CACNA1E: variants seen among roughly 807,000 people sequenced by gnomAD.
CACNA1E encodes the protein voltage-dependent R-type calcium channel subunit alpha-1E.
CACNA1E carries 40 observed loss-of-function variants against 259.2 expected under a neutral mutation model. The ratio of observed to expected loss-of-function variants is 0.15; its 90% CI spans 0.12 to 0.20. The LOEUF (loss-of-function observed/expected upper bound fraction) is 0.20, where lower values mean the gene tolerates loss of function less well. CACNA1E is among the 10% of genes least tolerant of loss of function. The pLI is 1.00. For synonymous variants in CACNA1E, 1,104 were observed against 1,138.5 expected (o/e 0.97, Z 0.61); for missense variants, 1,874 against 3,040.1 (o/e 0.62, Z 9.02).
intron 2 of CACNA1E, among the ~76,000 whole-genome samples, chr1:181,425,873 G>GC (rs1222177901): frequency 6.6e-6 from 1 of 152,002 alleles, no homozygotes; most frequent in Non-Finnish European, 1.5e-5. Flanking sequence ...CTCTGTCCCT[G>GC]CCCCCGCCTC....
At chr1:181,339,591 G>A (rs1239080301) in intron 1 of CACNA1E, among the ~76,000 whole-genome samples, 1 of 151,910 alleles carries the variant, frequency 6.6e-6, no homozygotes, top group Non-Finnish European at 1.5e-5. Context: ...CAAGGAAATT[G>A]TAGAGTTTAT....
At chr1:181,722,020 C>A in intron 16 of CACNA1E, 145 bp downstream of exon 16, 1 of 618,446 alleles carries the variant, frequency 1.6e-6, no homozygotes, top group South Asian at 2.0e-5. Context: ...AATAAGGATC[C>A]TGATCTGAAG....
chr1:181,616,917 G>A (rs1655271346), intron 6 of CACNA1E, among the ~76,000 whole-genome samples: 1 of 152,124 alleles, frequency 6.6e-6, no homozygotes, highest in South Asian at 2.1e-4. Flanking sequence ...ATTTTTTGAA[G>A]TAATTTATCC....
chr1:181,375,501 A>G (rs749213569), intron 1 of CACNA1E, among the ~76,000 whole-genome samples: 4 of 152,218 alleles, frequency 2.6e-5, no homozygotes, highest in Non-Finnish European at 4.4e-5. Flanking sequence ...GACAACCATG[A>G]TAACAAAAGC....
At chr1:181,387,019 A>G (rs1261390491) in intron 1 of CACNA1E, among the ~76,000 whole-genome samples, 2 of 152,194 alleles carry the variant, frequency 1.3e-5, no homozygotes, top group African/African-American at 4.8e-5. Flanking sequence ...GCTGATGGGT[A>G]GAAAGTGCAA....
chr1:181,661,400 G>T (rs906393140), intron 7 of CACNA1E, among the ~76,000 whole-genome samples: 18 of 152,144 alleles, frequency 1.2e-4, no homozygotes, highest in African/African-American at 4.3e-4. Context: ...GGTGTTGGGG[G>T]CCAGGTGTCG....
intron 3 of CACNA1E, among the ~76,000 whole-genome samples, chr1:181,542,550 C>G (rs532714282): frequency 1.6e-4 from 24 of 152,150 alleles, no homozygotes; most frequent in Non-Finnish European, 3.2e-4. Context: ...AGTGAGTTCT[C>G]ACGAGATCTG....
chr1:181,412,910 C>T (rs548162645), intron 1 of CACNA1E, among the ~76,000 whole-genome samples: 57 of 152,356 alleles, frequency 3.7e-4, no homozygotes, highest in Admixed American at 1.0e-3. Flanking sequence ...CAGCCTGGTC[C>T]GCCGCGGATG....
intron 6 of CACNA1E, among the ~76,000 whole-genome samples, chr1:181,631,626 G>A (rs1019255899): frequency 6.6e-5 from 10 of 152,114 alleles, no homozygotes; most frequent in Non-Finnish European, 4.4e-5. Flanking sequence ...GGTGAGATAG[G>A]CCTCCTGCCT....
At chr1:181,764,601 C>T (rs3767010) in intron 34 of CACNA1E, among the ~76,000 whole-genome samples, 2 of 152,092 alleles carry the variant, frequency 1.3e-5, no homozygotes, top group Admixed American at 1.3e-4. Flanking sequence ...TAGGAGCGAC[C>T]TTGACACTTT....
intron 47 of CACNA1E, among the ~76,000 whole-genome samples, chr1:181,797,822 C>T (rs1484659541): frequency 6.6e-6 from 1 of 152,312 alleles, no homozygotes; most frequent in Admixed American, 6.5e-5. Context: ...AAGACATGGG[C>T]AGGAATAAGG....
rs191496628 is a variant in CACNA1E, at chr1:181,355,735, G to A, written c.-15+37612G>A. Among the ~76,000 whole-genome samples, 87 of 152,320 alleles carry A rather than the reference G, an allele frequency of 5.7e-4. 1 individual carries two copies. The highest frequency in any genetic ancestry group is 3.1e-3 in the Admixed American group (48 of 15,298). On this transcript the variant is annotated intron_variant, in intron 1 of 11. Coordinates refer to the CACNA1E transcript ENST00000524607. ...ATGCAAAGGCCCCCTTTAAAAGAGA[G>A]CTTTGCACTGCAATGCTTGTTTACA...
chr1:181,571,517 A>T (rs988581338), intron 3 of CACNA1E, among the ~76,000 whole-genome samples: 1 of 152,248 alleles, frequency 6.6e-6, no homozygotes, highest in Non-Finnish European at 1.5e-5. Flanking sequence ...GGAACCAACC[A>T]CGTATGGAAT....
rs573216287 is a variant in CACNA1E, at chr1:181,511,587, C to T, written c.512+77C>T. 6.7e-5 allele frequency: 102 copies of T among 1,531,242 alleles called. 1 individual carries two copies. The South Asian group carries it at 1.1e-3, about 17-fold the overall frequency. 94.9% of individuals were successfully genotyped at this position (1,531,242 alleles called of 1,614,324 possible). ...TCATGAGGTGGCTGGGGGCAGGGAA[C>T]CTGGGGTGGAAAGACAGCAATCTGT... is the stretch of plus-strand genomic sequence containing the variant. On this transcript the variant is annotated intron_variant, in intron 3 of 47. Coordinates refer to ENST00000367573, the MANE Select transcript of CACNA1E (RefSeq NM_001205293.3).
intron 32 of CACNA1E, among the ~76,000 whole-genome samples, chr1:181,761,982 G>A (rs935148245): frequency 1.3e-5 from 2 of 152,202 alleles, no homozygotes; most frequent in Non-Finnish European, 2.9e-5. Flanking sequence ...TTACCAATCA[G>A]TAGTTGGTTT....
rs181051893 is a variant in CACNA1E at position 181,319,721 on chromosome 1, A to G, written c.-15+1598A>G. ...ATGGCCAATGAAGACTCCCATGCAG[A>G]TAGAGATAAATGATTGCCCTAAGAG... On this transcript the variant is annotated intron_variant, in intron 1 of 11. Coordinates refer to the CACNA1E transcript ENST00000524607. 1.5e-3 allele frequency among the ~76,000 whole-genome samples: 235 copies of G among 152,348 alleles called. 1 individual carries two copies. The highest frequency in any genetic ancestry group is 5.3e-3 in the African/African-American group (219 of 41,584).
At chr1:181,354,184 C>T (rs1653251965) in intron 1 of CACNA1E, among the ~76,000 whole-genome samples, 1 of 147,502 alleles carries the variant, frequency 6.8e-6, no homozygotes, top group African/African-American at 2.5e-5. Flanking sequence ...TGTAACAGTG[C>T]TTGCCACATC....
At chr1:181,778,850 C>A (rs752985676) in intron 38 of CACNA1E, among the ~76,000 whole-genome samples, 2 of 152,152 alleles carry the variant, frequency 1.3e-5, no homozygotes, top group Non-Finnish European at 2.9e-5. Flanking sequence ...CCAAGCTGAA[C>A]GCAGAAAAAT....
chr1:181,427,951 G>A (rs549456654), intron 2 of CACNA1E, among the ~76,000 whole-genome samples: 18 of 152,092 alleles, frequency 1.2e-4, no homozygotes, highest in African/African-American at 3.9e-4. Context: ...TCTCTTTCAC[G>A]CTGCAGAGTA....
Sources: allele counts gnomAD v4.1 joint callset (sites outside exome capture counted in the v4.1 genomes callset), GRCh38; gene constraint gnomAD v4.1.1; transcripts MANE v1.5; gene names NCBI Gene and HGNC (gene_info 2026-07-23, HGNC 2026-07-21).